Variants in SLC9B1 observed in about 807,000 individuals in gnomAD.
The protein encoded by SLC9B1 is solute carrier family 9 member B1, also known as sodium/hydrogen exchanger 9B1.
SLC9B1 carries 32 observed loss-of-function variants against 51.7 expected under a neutral mutation model. The observed-to-expected ratio is 0.62, with a 90% CI of 0.47 to 0.83. SLC9B1 has a LOEUF of 0.83. SLC9B1 is among the 40% of genes least tolerant of loss of function. The pLI is 0.00. For synonymous variants in SLC9B1, 145 were observed against 212.7 expected (o/e 0.68, Z 2.77); for missense variants, 406 against 613.2 (o/e 0.66, Z 3.57).
chr4:102,981,853 C>T (rs1367398636), intron 3 of SLC9B1, among the ~76,000 whole-genome samples: 3 of 151,830 alleles, frequency 2.0e-5, no homozygotes, highest in African/African-American at 4.8e-5. Flanking sequence ...GATTTTTTTC[C>T]CTTCTCTTTC....
At chr4:103,019,466 G>C (rs1353478783) in intron 1 of SLC9B1, 133 bp downstream of exon 1, 2 of 490,412 alleles carry the variant, frequency 4.1e-6, no homozygotes, top group Non-Finnish European at 5.3e-6. Flanking sequence ...TCTGGGAGAA[G>C]AGCCCAAGAA....
intron 3 of SLC9B1, 73 bp downstream of exon 3, chr4:102,989,727 G>A: frequency 9.3e-7 from 1 of 1,072,922 alleles, no homozygotes; most frequent in South Asian, 1.7e-5. Flanking sequence ...TAGTGTCTTT[G>A]TTGTCTCATG....
At position 102,989,855 on chromosome 4, in the gene SLC9B1, C is replaced by T. The variant is rs1206562050; in HGVS notation, c.156G>A (p.Lys52=). Residue 52 remains lysine, a synonymous_variant, in exon 3 of 12, where the codon AAG becomes AAA. Coordinates refer to ENST00000296422, the MANE Select transcript of SLC9B1 (RefSeq NM_139173.4). ...TTAGAGGACAAGAAATGTATGTCTC[C>T]TTTTTTGTCTGTGGTTTTATTTCTT... ...DTEEIKPQTK[K]ETYISCPLRG... is the part of the protein sequence containing the mutation. The T allele has an allele frequency of 6.2e-7, 1 of 1,602,470 alleles. No individual in the cohort carries two copies. The highest frequency in any genetic ancestry group is 1.7e-5 in the Admixed American group (1 of 59,194).
At chr4:102,906,665 T>G in intron 9 of SLC9B1, 21 bp from the exon 10 acceptor site, 1 of 1,370,216 alleles carries the variant, frequency 7.3e-7, no homozygotes, top group Admixed American at 1.9e-5. Flanking sequence ...GAGAAATACA[T>G]TTATAATGAT....
intron 1 of SLC9B1, among the ~76,000 whole-genome samples, chr4:102,996,353 T>A (rs1033686247): frequency 6.6e-6 from 1 of 152,194 alleles, no homozygotes; most frequent in Non-Finnish European, 1.5e-5. Context: ...TTTTTTACGC[T>A]GATAATACCT....
intron 11 of SLC9B1, 124 bp from the exon 12 acceptor site, chr4:102,901,456 G>C: frequency 8.4e-7 from 1 of 1,191,036 alleles, no homozygotes; most frequent in South Asian, 1.3e-5. Context: ...AAAGTACTCA[G>C]TAATTTTCAT....
chr4:102,994,855 T>A (rs1256187079), intron 1 of SLC9B1, among the ~76,000 whole-genome samples: 1 of 152,174 alleles, frequency 6.6e-6, no homozygotes, highest in African/African-American at 2.4e-5. Context: ...GAGAACAGCA[T>A]GGGGAAACCA....
intron 3 of SLC9B1, among the ~76,000 whole-genome samples, chr4:102,956,641 T>C (rs1309299605): frequency 6.6e-6 from 1 of 151,886 alleles, no homozygotes; most frequent in Non-Finnish European, 1.5e-5. Context: ...CAACACAATA[T>C]AAAAGACATC....
At chr4:102,899,884 G>C (rs1193632394), downstream of SLC9B1, among the ~76,000 whole-genome samples, 3 of 152,088 alleles carry the variant, frequency 2.0e-5, no homozygotes, top group East Asian at 5.8e-4. Flanking sequence ...TAAAATAGTA[G>C]CTATTTTATC....
rs373442152 is a variant in SLC9B1, at chr4:102,943,506, TACACAC to T, written c.653+1681_653+1686del. Among the ~76,000 whole-genome samples the T allele has an allele frequency of 2.2e-4, 32 of 145,592 alleles. No homozygotes were observed. In the South Asian group the frequency reaches 3.5e-3, roughly 16 times the overall value. On this transcript the variant is annotated intron_variant, in intron 6 of 11. Coordinates refer to ENST00000296422, the MANE Select transcript of SLC9B1 (RefSeq NM_139173.4). ...ATCTATGTGTATATATGTGTATGTATACACACACACACACACACACACACACACACA... is the reference window on the plus strand; with the variant it reads ...ATCTATGTGTATATATGTGTATGTATACACACACACACACACACACACACA...
At chr4:102,918,052 G>A (rs1350767765) in intron 7 of SLC9B1, among the ~76,000 whole-genome samples, 2 of 69,558 alleles carry the variant, frequency 2.9e-5, no homozygotes, top group African/African-American at 6.2e-5. Flanking sequence ...TGGGCAATAA[G>A]AGCAAAACTC....
Position 102,906,780 on chromosome 4 carries a change from G to A in SLC9B1, c.1087-136C>T, listed in dbSNP as rs1578335261. The A allele has an allele frequency of 2.8e-5, 17 of 605,450 alleles. No individual in the cohort carries two copies. The East Asian group carries it at 4.3e-4, about 15-fold the overall frequency. 37.5% of individuals were successfully genotyped at this position (605,450 alleles called of 1,614,324 possible). A position where few individuals can be genotyped will look rare whatever the true frequency, so the allele number is the denominator to read the frequency against. ...GGGTCTTGCTCTGTTGCCCAGGCTG[G>A]AGTGTAGTGGCATAATCATAGCTCA... is the stretch of plus-strand genomic sequence containing the variant. On this transcript the variant is annotated intron_variant, in intron 9 of 11. Transcript: ENST00000296422.
chr4:102,903,228 C>T (rs1172327540), intron 11 of SLC9B1, among the ~76,000 whole-genome samples: 1 of 152,008 alleles, frequency 6.6e-6, no homozygotes, highest in East Asian at 1.9e-4. Context: ...AATAATAAAA[C>T]AAAATTGCGA....
At position 102,964,331 on chromosome 4, in the gene SLC9B1, A is replaced by T. The variant is rs1738309658; in HGVS notation, c.212-14904T>A. The stretch of plus-strand genomic sequence containing the variant: ...TCAAATCTTCCTATAGAGAAAAAAT[A>T]TACTTCACTGGTGAACTCTATCCAA... On this transcript the variant is annotated intron_variant, in intron 3 of 11. Coordinates refer to ENST00000296422, the MANE Select transcript of SLC9B1 (RefSeq NM_139173.4). 2.0e-5 allele frequency among the ~76,000 whole-genome samples: 3 copies of T among 152,136 alleles called. No individual in the cohort carries two copies. The South Asian group carries it at 6.2e-4, about 31-fold the overall frequency.
intron 6 of SLC9B1, among the ~76,000 whole-genome samples, chr4:102,938,148 A>G (rs764134107): frequency 1.3e-5 from 2 of 152,220 alleles, no homozygotes; most frequent in Non-Finnish European, 2.9e-5. Flanking sequence ...ATGCAACGAT[A>G]CCCATTGGCT....
intron 3 of SLC9B1, among the ~76,000 whole-genome samples, chr4:102,980,245 G>T (rs1016175560): frequency 8.5e-5 from 13 of 152,118 alleles, no homozygotes; most frequent in African/African-American, 2.9e-4. Flanking sequence ...CCATTACTGG[G>T]TATATACCCA....
At chr4:102,888,942 T>C (rs895089424) in intron 11 of SLC9B1, 1 of 152,260 alleles carries the variant, frequency 6.6e-6, no homozygotes, top group African/African-American at 2.4e-5. Context: ...TTCAGTTCAC[T>C]TTGCTTTCTT....
At chr4:102,975,584 ATATTTTTT>A (rs1487906360) in intron 3 of SLC9B1, among the ~76,000 whole-genome samples, 4 of 80,160 alleles carry the variant, frequency 5.0e-5, no homozygotes, top group African/African-American at 2.2e-4. Flanking sequence ...ATATATATAT[ATATTTTTT>A]TTTTTTTTTT....
intron 7 of SLC9B1, among the ~76,000 whole-genome samples, chr4:102,919,685 A>C (rs1421063144): frequency 6.6e-6 from 1 of 152,208 alleles, no homozygotes; most frequent in Admixed American, 6.5e-5. Flanking sequence ...TACCTGGAAA[A>C]ACAGGGCACT....
Sources: gnomAD v4.1 joint callset for allele counts (sites outside exome capture counted in the v4.1 genomes callset) on GRCh38, gnomAD v4.1.1 for gene constraint, MANE v1.5 for transcripts, NCBI Gene and HGNC (gene_info 2026-07-23, HGNC 2026-07-21) for gene names.